ERC1: variants seen among roughly 807,000 people sequenced by gnomAD.
The protein encoded by ERC1 is ELKS/RAB6-interacting/CAST family member 1.
In ERC1, 56 loss-of-function variants were observed where a neutral mutation model predicts 132.0. That is an observed-to-expected ratio of 0.42 (90% CI 0.34 to 0.53). The LOEUF (loss-of-function observed/expected upper bound fraction) is 0.53, where lower values mean the gene tolerates loss of function less well. ERC1 is among the 20% of genes least tolerant of loss of function. The pLI is 0.03. For missense variants in ERC1, 1,202 were observed against 1,349.9 expected, an observed-to-expected ratio of 0.89 and a Z score of 1.72; for synonymous variants, 478 against 476.1, an observed-to-expected ratio of 1.00 and a Z score of -0.05.
intron 13 of ERC1, among the ~76,000 whole-genome samples, chr12:1,251,289 A>G (rs145300187): frequency 6.6e-6 from 1 of 152,082 alleles, no homozygotes; most frequent in Non-Finnish European, 1.5e-5. Flanking sequence ...TAATATATTA[A>G]TGTTCCTGTT....
chr12:1,003,802 CAA>C (rs1265063728), intron 1 of ERC1, among the ~76,000 whole-genome samples: 4 of 152,154 alleles, frequency 2.6e-5, no homozygotes, highest in Admixed American at 2.6e-4. Context: ...AAGAATAAGC[CAA>C]AGGTTCCTGC....
chr12:1,155,969 A>T (rs1402254570), intron 8 of ERC1, among the ~76,000 whole-genome samples: 1 of 152,064 alleles, frequency 6.6e-6, no homozygotes, highest in Non-Finnish European at 1.5e-5. Flanking sequence ...CTTTAGGGTT[A>T]TTAACTGTTG....
intron 15 of ERC1, among the ~76,000 whole-genome samples, chr12:1,317,923 G>T (rs2081881152): frequency 6.6e-6 from 1 of 152,068 alleles, no homozygotes; most frequent in African/African-American, 2.4e-5. Flanking sequence ...TAAATAATTT[G>T]CTGATTCTGG....
chr12:1,017,495 A>ATTTTTT (rs67654163), intron 1 of ERC1, among the ~76,000 whole-genome samples: 3 of 124,906 alleles, frequency 2.4e-5, no homozygotes, highest in Non-Finnish European at 5.0e-5. Flanking sequence ...TTGTTCTGGT[A>ATTTTTT]TTTTTTTTTT....
chr12:1,040,386 A>G (rs1969995140), intron 2 of ERC1, among the ~76,000 whole-genome samples: 1 of 149,714 alleles, frequency 6.7e-6, no homozygotes, highest in Admixed American at 6.7e-5. Context: ...CAGTGGCGCA[A>G]TACTCCGCCT....
At chr12:1,205,026 C>T (rs1957230113) in intron 12 of ERC1, among the ~76,000 whole-genome samples, 1 of 152,176 alleles carries the variant, frequency 6.6e-6, no homozygotes, top group African/African-American at 2.4e-5. Context: ...ATAACAAAAA[C>T]AGCAACGATT....
At chr12:1,394,031 A>C (rs1189522289) in intron 16 of ERC1, among the ~76,000 whole-genome samples, 1 of 114,998 alleles carries the variant, frequency 8.7e-6, no homozygotes, top group East Asian at 2.1e-4. Flanking sequence ...AAAAAAAAAA[A>C]AACAAAAAAA....
At chr12:1,290,778 C>T (rs1171600412) in intron 15 of ERC1, among the ~76,000 whole-genome samples, 4 of 148,834 alleles carry the variant, frequency 2.7e-5, no homozygotes, top group Non-Finnish European at 6.0e-5. Context: ...CAGTTACCCT[C>T]GTTCTGTGAG....
At chr12:1,321,134 T>C (rs2082090052) in intron 15 of ERC1, among the ~76,000 whole-genome samples, 1 of 152,192 alleles carries the variant, frequency 6.6e-6, no homozygotes, top group South Asian at 2.1e-4. Flanking sequence ...AAAATGAGGT[T>C]TCAAGTTAGA....
intron 17 of ERC1, among the ~76,000 whole-genome samples, chr12:1,420,248 A>G (rs1246026259): frequency 6.6e-6 from 1 of 152,192 alleles, no homozygotes. Flanking sequence ...CTTAACAGCT[A>G]CAAACTTAAC....
intron 1 of ERC1, among the ~76,000 whole-genome samples, chr12:1,004,475 C>T (rs1292227863): frequency 1.5e-5 from 2 of 133,758 alleles, no homozygotes; most frequent in Admixed American, 8.6e-5. Context: ...GACGTGATCT[C>T]GGCTCACTGC....
chr12:1,228,030 G>C (rs73027406), intron 12 of ERC1, among the ~76,000 whole-genome samples: 4,634 of 152,140 alleles, frequency 0.03, 94 homozygotes, highest in South Asian at 0.058. Context: ...TTTCATGCTG[G>C]TACCATAGTG....
chr12:1,326,031 A>G (rs12313656), intron 15 of ERC1, among the ~76,000 whole-genome samples: 18,473 of 152,182 alleles, frequency 0.12, 2,058 homozygotes, highest in African/African-American at 0.29. Flanking sequence ...TGATTCAAAA[A>G]CTTCTTGTTC....
At chr12:1,110,492 T>G (rs1157190876) in intron 5 of ERC1, 145 bp downstream of exon 5, 1 of 637,314 alleles carries the variant, frequency 1.6e-6, no homozygotes, top group Non-Finnish European at 2.5e-6. Flanking sequence ...TTCTTTCAAA[T>G]GAAACTTCTC....
intron 18 of ERC1, among the ~76,000 whole-genome samples, chr12:1,467,023 A>C (rs781747466): frequency 1.3e-5 from 2 of 152,238 alleles, no homozygotes; most frequent in African/African-American, 4.8e-5. Context: ...CTTGCTGTAA[A>C]GTGCAATGAT....
At chr12:1,044,612 A>G (rs1970790478) in intron 2 of ERC1, among the ~76,000 whole-genome samples, 1 of 152,216 alleles carries the variant, frequency 6.6e-6, no homozygotes, top group African/African-American at 2.4e-5. Flanking sequence ...ATAAAAGTTG[A>G]ATTAAAATTA....
At chr12:1,242,362 T>C (rs893646185) in intron 13 of ERC1, among the ~76,000 whole-genome samples, 1 of 152,208 alleles carries the variant, frequency 6.6e-6, no homozygotes, top group African/African-American at 2.4e-5. Flanking sequence ...AATTCATTCC[T>C]CTTTATTCCT....
rs573236899 is a variant in ERC1, at chr12:1,481,305, T to G, written c.3214-8788T>G. ...TTCGCACCTGTGCTGTATAACACAT[T>G]GATCTAAGTTTTTAGTTTGCTTTCT... On this transcript the variant is annotated intron_variant, in intron 18 of 18. Coordinates refer to ENST00000360905, the MANE Select transcript of ERC1 (RefSeq NM_178040.4). Among the ~76,000 whole-genome samples the G allele has an allele frequency of 3.3e-5, 5 of 152,370 alleles. No homozygotes were observed. The South Asian group carries it at 6.2e-4, about 19-fold the overall frequency.
chr12:1,100,532 G>C (rs377642563), intron 3 of ERC1, among the ~76,000 whole-genome samples: 17 of 152,346 alleles, frequency 1.1e-4, no homozygotes, highest in Middle Eastern at 3.4e-3. Context: ...TGGTGGCTTA[G>C]AGCAGTGTGA....
Sources: allele counts gnomAD v4.1 joint callset (sites outside exome capture counted in the v4.1 genomes callset), GRCh38; gene constraint gnomAD v4.1.1; transcripts MANE v1.5; gene names NCBI Gene and HGNC (gene_info 2026-07-23, HGNC 2026-07-21).